PCDHGA8: variants seen among roughly 807,000 people sequenced by gnomAD.
The protein encoded by PCDHGA8 is protocadherin gamma-A8.
PCDHGA8 carries 45 observed loss-of-function variants against 59.2 expected under a neutral mutation model. The observed-to-expected ratio is 0.76, with a 90% CI of 0.60 to 0.98. PCDHGA8 has a LOEUF of 0.98. Ranked by LOEUF, PCDHGA8 falls within the 50% of genes least tolerant of loss-of-function variation. PCDHGA8 has a pLI of 0.00. For synonymous variants in PCDHGA8, 531 were observed against 519.0 expected (o/e 1.02, Z -0.32); for missense variants, 1,257 against 1,196.2 (o/e 1.05, Z -0.75).
Position 141,487,858 on chromosome 5 carries a change from G to C in PCDHGA8, c.2425-6949G>C, listed in dbSNP as rs575288726. Reference sequence around the variant, plus strand: ...ATCTGAGTAAGAAATGAAAGTAATTGGTGATCAAGAGCCAGGCTGTTGTGG... The same window carrying C: ...ATCTGAGTAAGAAATGAAAGTAATTCGTGATCAAGAGCCAGGCTGTTGTGG... On this transcript the variant is annotated intron_variant, in intron 1 of 3. Transcript: ENST00000398604. The surrounding 1 kb of genome is among the most constrained non-coding windows in gnomAD (Gnocchi z 5.0). The C allele has an allele frequency of 3.8e-5, 36 of 953,250 alleles. No individual in the cohort carries two copies. The Middle Eastern group carries it at 1.3e-3, about 35-fold the overall frequency. 59.0% of individuals were successfully genotyped at this position (953,250 alleles called of 1,614,324 possible). A position where few individuals can be genotyped will look rare whatever the true frequency, so the allele number is the denominator to read the frequency against.
chr5:141,418,153 G>A (rs1561771797), intron 1 of PCDHGA8: 2 of 1,614,086 alleles, frequency 1.2e-6, no homozygotes, highest in East Asian at 2.2e-5. Context: ...TATGCAAAGA[G>A]AGAAGAAGAT....
At chr5:141,448,480 C>A (rs889742803) in intron 1 of PCDHGA8, among the ~76,000 whole-genome samples, 1 of 152,184 alleles carries the variant, frequency 6.6e-6, no homozygotes, top group Admixed American at 6.6e-5. Flanking sequence ...ACCCTTGCTT[C>A]CTCCTGTCCC....
intron 1 of PCDHGA8, among the ~76,000 whole-genome samples, chr5:141,467,361 G>A (rs555435172): frequency 1.3e-5 from 2 of 151,860 alleles, no homozygotes; most frequent in South Asian, 4.2e-4. Context: ...CCAAATCAAC[G>A]TTTTCTTATA....
In PCDHGA8 at chr5:141,489,645, C is replaced by T; in HGVS notation, c.2425-5162C>T. 1.2e-6 allele frequency: 2 copies of T among 1,614,156 alleles called. No homozygotes were observed. The highest frequency in any genetic ancestry group is 2.7e-5 in the African/African-American group (2 of 75,022). On this transcript the variant is annotated intron_variant, in intron 1 of 3. Transcript: ENST00000398604. This position sits in a 1 kb window ranked among gnomAD's most constrained non-coding sequence, Gnocchi z 4.5. ...ATGACAACTCTCCTAGCTTTGCCAC[C>T]CCTGAGCGAGAGATGCGCATCTCAG...
At chr5:141,434,338 G>A (rs1037038534) in intron 1 of PCDHGA8, among the ~76,000 whole-genome samples, 5 of 152,086 alleles carry the variant, frequency 3.3e-5, no homozygotes, top group East Asian at 1.9e-4. Context: ...TCTTTGTGTC[G>A]GGAACAGGCC....
intron 1 of PCDHGA8, among the ~76,000 whole-genome samples, chr5:141,465,263 T>C (rs538393085): frequency 1.3e-5 from 2 of 152,326 alleles, no homozygotes; most frequent in African/African-American, 4.8e-5. Flanking sequence ...GCAATGATAC[T>C]AGCCATTTAG....
At chr5:141,428,155 G>A (rs767716956) in intron 1 of PCDHGA8, 7 of 1,581,618 alleles carry the variant, frequency 4.4e-6, no homozygotes, top group East Asian at 2.2e-5. Flanking sequence ...ACGGGAACCT[G>A]CTGGTTGCTG....
rs765887978 is a variant in PCDHGA8 at position 141,486,476 on chromosome 5, C to T, written c.2425-8331C>T. The T allele has an allele frequency of 8.7e-6, 14 of 1,613,934 alleles. No homozygotes were observed. The highest frequency in any genetic ancestry group is 1.7e-5 in the Admixed American group (1 of 60,016). ...TGCTTCTGATGCTGGGAACCCTCCT[C>T]TCAGTACCCACAGAACTATTTTCCT... On this transcript the variant is annotated intron_variant, in intron 1 of 3. Transcript: ENST00000398604. This position sits in a 1 kb window ranked among gnomAD's most constrained non-coding sequence, Gnocchi z 5.0.
At chr5:141,417,423 C>T (rs1252792899) in intron 1 of PCDHGA8, 1 of 159,686 alleles carries the variant, frequency 6.3e-6, no homozygotes, top group African/African-American at 2.4e-5. Context: ...TATGTAAATT[C>T]AGTAAATAAA....
At chr5:141,405,403 T>A (rs1430892971) in intron 1 of PCDHGA8, 2 of 1,586,108 alleles carry the variant, frequency 1.3e-6, no homozygotes, top group Non-Finnish European at 1.7e-6. Flanking sequence ...TCTTTCTTTC[T>A]TTTCTTTTTT....
chr5:141,410,185 T>A lies in PCDHGA8; in HGVS notation c.2424+14948T>A, dbSNP rs373680185. 10 of 1,613,812 alleles carry A rather than the reference T, an allele frequency of 6.2e-6. No individual in the cohort carries two copies. The African/African-American group carries it at 1.3e-4, about 22-fold the overall frequency. On this transcript the variant is annotated intron_variant, in intron 1 of 3. Transcript: ENST00000398604. ...CACTCTCTGCCACCGCCACGCTTCA[T>A]CTGGTCTTCGCAGACAACTTGCAAG...
chr5:141,489,165 G>T lies in PCDHGA8; in HGVS notation c.2425-5642G>T. ...GAAGGAGACATAAGAGACTTCAGCT[G>T]CTGCATTCCAAGCCCTGGGTCTACC... On this transcript the variant is annotated intron_variant, in intron 1 of 3. Coordinates refer to ENST00000398604, the MANE Select transcript of PCDHGA8 (RefSeq NM_032088.2). This position sits in a 1 kb window ranked among gnomAD's most constrained non-coding sequence, Gnocchi z 4.5. 9.2e-7 allele frequency: 1 copy of T among 1,082,084 alleles called. No homozygotes were observed. Among genetic ancestry groups the T allele is most frequent in the Non-Finnish European group, 1.3e-6 (1 of 745,856 alleles). 67.0% of individuals were successfully genotyped at this position (1,082,084 alleles called of 1,614,324 possible).
intron 1 of PCDHGA8, chr5:141,415,605 G>T: frequency 1.2e-6 from 2 of 1,613,122 alleles, no homozygotes; most frequent in Non-Finnish European, 1.7e-6. Flanking sequence ...ATACCCCATT[G>T]GTTCCAGTGA....
At chr5:141,466,709 T>C (rs2099127779) in intron 1 of PCDHGA8, among the ~76,000 whole-genome samples, 1 of 152,212 alleles carries the variant, frequency 6.6e-6, no homozygotes, top group Non-Finnish European at 1.5e-5. Flanking sequence ...TGATGTCTGT[T>C]CTTGTTTCCA....
intron 1 of PCDHGA8, chr5:141,404,273 C>G (rs751189949): frequency 6.2e-7 from 1 of 1,613,870 alleles, no homozygotes; most frequent in African/African-American, 1.3e-5. Flanking sequence ...CATCACCCTG[C>G]AAGTGACTGA....
chr5:141,477,629 C>T lies in PCDHGA8; in HGVS notation c.2425-17178C>T, dbSNP rs1191573380. 6.2e-7 allele frequency: 1 copy of T among 1,614,158 alleles called. No homozygotes were observed. Reference sequence around the variant, plus strand: ...CTTGGAGCAAGGAGCTGAAACCGGGCTAGTGGGTCGCTATTTCACAATAAA... The same window carrying T: ...CTTGGAGCAAGGAGCTGAAACCGGGTTAGTGGGTCGCTATTTCACAATAAA... On this transcript the variant is annotated intron_variant, in intron 1 of 3. Coordinates refer to ENST00000398604, the MANE Select transcript of PCDHGA8 (RefSeq NM_032088.2). The surrounding 1 kb of genome is among the most constrained non-coding windows in gnomAD (Gnocchi z 4.9).
At chr5:141,438,631 TATATACAC>T (rs1213304454) in intron 1 of PCDHGA8, among the ~76,000 whole-genome samples, 683 of 43,114 alleles carry the variant, frequency 0.016, 2 homozygotes, top group African/African-American at 0.049. Context: ...TATATATATA[TATATACAC>T]ACACACACAC....
rs367919924 is a variant in PCDHGA8, at chr5:141,487,711, T to A, written c.2425-7096T>A. The A allele has an allele frequency of 1.1e-5, 18 of 1,586,144 alleles. No individual in the cohort carries two copies. In the African/African-American group the frequency reaches 2.1e-4, roughly 19 times the overall value. On this transcript the variant is annotated intron_variant, in intron 1 of 3. Transcript: ENST00000398604. The surrounding 1 kb of genome is among the most constrained non-coding windows in gnomAD (Gnocchi z 5.0). ...TAGAGAGTACTGGCCTCTCAGTAAG[T>A]GCCCATAGTGATGTCACCATTTTTG...
At chr5:141,400,756 C>G (rs1220648843) in intron 1 of PCDHGA8, 1 of 584,890 alleles carries the variant, frequency 1.7e-6, no homozygotes, top group African/African-American at 1.9e-5. Context: ...AGCTTCCTCT[C>G]TAGCAAAAAC....
Sources: allele counts gnomAD v4.1 joint callset (sites outside exome capture counted in the v4.1 genomes callset), GRCh38; gene constraint gnomAD v4.1.1; non-coding constraint Gnocchi (gnomAD v3.1); transcripts MANE v1.5; gene names NCBI Gene and HGNC (gene_info 2026-07-23, HGNC 2026-07-21).